DEFB107A: variants seen among roughly 807,000 people sequenced by gnomAD.
DEFB107A encodes the protein beta-defensin 107.
intron 1 of DEFB107A, among the ~76,000 whole-genome samples, chr8:7,812,968 C>A (rs1290911570): frequency 6.6e-6 from 1 of 151,354 alleles, no homozygotes; most frequent in Non-Finnish European, 1.5e-5. Context: ...TATATATATA[C>A]ATGTATAGGG....
intron 1 of DEFB107A, among the ~76,000 whole-genome samples, chr8:7,815,211 G>A (rs1170118803): frequency 1.4e-5 from 1 of 73,798 alleles, no homozygotes; most frequent in African/African-American, 4.1e-5. Context: ...TCGCACCACT[G>A]CACTCCAGCC....
At chr8:7,812,924 C>A (rs567691574) in intron 1 of DEFB107A, among the ~76,000 whole-genome samples, 2 of 129,876 alleles carry the variant, frequency 1.5e-5, no homozygotes, top group African/African-American at 2.6e-5. Flanking sequence ...GACACACACA[C>A]GCACACACAT....
intron 1 of DEFB107A, among the ~76,000 whole-genome samples, chr8:7,812,294 AT>A (rs1295695935): frequency 1.1e-4 from 8 of 69,648 alleles, no homozygotes; most frequent in African/African-American, 2.6e-4. Context: ...TTACCAACAG[AT>A]TTTTTTTCCC....
intron 1 of DEFB107A, among the ~76,000 whole-genome samples, chr8:7,814,733 T>C (rs1402865726): frequency 2.7e-5 from 1 of 36,584 alleles, no homozygotes; most frequent in African/African-American, 1.1e-4. Context: ...TTCCAACCAG[T>C]GTGTGAAAGC....
At chr8:7,813,825 G>A (rs1218481128) in intron 1 of DEFB107A, among the ~76,000 whole-genome samples, 1 of 151,120 alleles carries the variant, frequency 6.6e-6, no homozygotes, top group Non-Finnish European at 1.5e-5. Flanking sequence ...TGAGTTTTGT[G>A]GACAGGGAGC....
intron 1 of DEFB107A, among the ~76,000 whole-genome samples, chr8:7,813,799 T>G (rs1352043018): frequency 6.6e-6 from 1 of 151,684 alleles, no homozygotes; most frequent in Non-Finnish European, 1.5e-5. Context: ...TTATTGTAAT[T>G]CAAATACATC....
At chr8:7,812,433 TA>T (rs1817103345) in intron 1 of DEFB107A, among the ~76,000 whole-genome samples, 1 of 115,448 alleles carries the variant, frequency 8.7e-6, no homozygotes, top group Non-Finnish European at 2.0e-5. Context: ...GGTAGAAAGA[TA>T]AACAACATGA....
At position 7,812,796 on chromosome 8, in the gene DEFB107A, C is replaced by T. The variant is rs189500784; in HGVS notation, c.71-846G>A. On this transcript the variant is annotated intron_variant, in intron 1 of 1. Transcript: ENST00000335021. ...GGCAAAGACTAATGGAAAGAAATTG[C>T]AGGGACTTAGATTTCTGCTCAAATT... 1.3e-3 allele frequency among the ~76,000 whole-genome samples: 173 copies of T among 130,742 alleles called. 7 individuals carry two copies. The highest frequency in any genetic ancestry group is 4.2e-3 in the African/African-American group (165 of 38,980). 85.8% of individuals were successfully genotyped at this position (130,742 alleles called of 152,430 possible).
In DEFB107A at chr8:7,812,864, T is replaced by C. The variant is rs1419242246; in HGVS notation, c.71-914A>G. On this transcript the variant is annotated intron_variant, in intron 1 of 1. Coordinates refer to ENST00000335021, the MANE Select transcript of DEFB107A (RefSeq NM_001037668.1). ...TAGTCCAAAGTTGAACTTGGGATAC[T>C]GTGAACTACAGATCACTTAAATTTA... Among the ~76,000 whole-genome samples, 4 of 136,868 alleles carry C rather than the reference T, an allele frequency of 2.9e-5. No individual in the cohort carries two copies. The East Asian group carries it at 8.6e-4, about 30-fold the overall frequency. The allele number at this position is 136,868 out of a possible 152,430, so 89.8% of individuals were successfully genotyped here. A position where few individuals can be genotyped will look rare whatever the true frequency, so the allele number is the denominator to read the frequency against.
intron 1 of DEFB107A, among the ~76,000 whole-genome samples, chr8:7,813,726 C>T (rs1158803006): frequency 1.3e-5 from 2 of 152,074 alleles, no homozygotes; most frequent in African/African-American, 4.8e-5. Context: ...TCACTTCTAA[C>T]TCTGAGATTC....
intron 1 of DEFB107A, among the ~76,000 whole-genome samples, chr8:7,813,866 G>A (rs1391118110): frequency 6.7e-6 from 1 of 150,178 alleles, no homozygotes; most frequent in African/African-American, 2.5e-5. Flanking sequence ...AGACTGATCT[G>A]AATAAATTGG....
At chr8:7,815,253 A>C (rs1363991142) in intron 1 of DEFB107A, among the ~76,000 whole-genome samples, 2 of 11,824 alleles carry the variant, frequency 1.7e-4, no homozygotes, top group Non-Finnish European at 3.8e-3. Context: ...GTCTCAAAAA[A>C]AAAAAAAAAA....
intron 1 of DEFB107A, among the ~76,000 whole-genome samples, chr8:7,815,190 G>C (rs1585683129): frequency 1.3e-5 from 1 of 77,078 alleles, no homozygotes; most frequent in South Asian, 7.0e-4. Flanking sequence ...AGAGCTTGCA[G>C]TGAGCCGAGA....
At position 7,813,126 on chromosome 8, in the gene DEFB107A, C is replaced by A. The variant is rs1157024807; in HGVS notation, c.71-1176G>T. ...GATTGTTAAACTGTCCCAAAGCAGTCATTTTTACCTTCAGACTTTTAGTCA... is the reference window on the plus strand; with the variant it reads ...GATTGTTAAACTGTCCCAAAGCAGTAATTTTTACCTTCAGACTTTTAGTCA... On this transcript the variant is annotated intron_variant, in intron 1 of 1. Coordinates refer to ENST00000335021, the MANE Select transcript of DEFB107A (RefSeq NM_001037668.1). Among the ~76,000 whole-genome samples the A allele has an allele frequency of 1.9e-4, 20 of 107,440 alleles. 1 individual carries two copies. Among genetic ancestry groups the A allele is most frequent in the African/African-American group, 5.3e-4 (20 of 37,428 alleles). The allele number at this position is 107,440 out of a possible 152,430, so 70.5% of individuals were successfully genotyped here.
intron 1 of DEFB107A, among the ~76,000 whole-genome samples, chr8:7,815,279 C>T (rs1157276605): frequency 6.2e-4 from 4 of 6,404 alleles, no homozygotes; most frequent in African/African-American, 6.8e-4. Flanking sequence ...AAAGAATATG[C>T]TGAACCTGCG....
At chr8:7,813,361 G>A (rs1437078011) in intron 1 of DEFB107A, among the ~76,000 whole-genome samples, 1 of 146,498 alleles carries the variant, frequency 6.8e-6, no homozygotes, top group Non-Finnish European at 1.5e-5. Context: ...ATGGTCAACT[G>A]TTTAGGATGG....
chr8:7,814,632 G>A (rs1301391392), intron 1 of DEFB107A, among the ~76,000 whole-genome samples: 1 of 36,740 alleles, frequency 2.7e-5, no homozygotes, highest in Non-Finnish European at 5.5e-5. Flanking sequence ...GAACAGAGTC[G>A]TGGTTGTATG....
chr8:7,812,967 A>G (rs2128920963), intron 1 of DEFB107A, among the ~76,000 whole-genome samples: 1 of 151,674 alleles, frequency 6.6e-6, no homozygotes, highest in Middle Eastern at 3.4e-3. Flanking sequence ...ATATATATAT[A>G]CATGTATAGG....
At chr8:7,813,539 C>G (rs1283174850) in intron 1 of DEFB107A, among the ~76,000 whole-genome samples, 8 of 151,978 alleles carry the variant, frequency 5.3e-5, no homozygotes, top group East Asian at 1.9e-4. Flanking sequence ...AAGTTAGTTT[C>G]TAATTAATAT....
Sources: gnomAD v4.1 joint callset for allele counts (sites outside exome capture counted in the v4.1 genomes callset) on GRCh38, gnomAD v4.1.1 for gene constraint, MANE v1.5 for transcripts, NCBI Gene and HGNC (gene_info 2026-07-23, HGNC 2026-07-21) for gene names.